The following MYO5B variants were observed in gnomAD, a reference collection of about 807,000 sequenced individuals.
The protein encoded by MYO5B is myosin VB.
MYO5B carries 143 observed loss-of-function variants against 229.3 expected under a neutral mutation model. The ratio of observed to expected loss-of-function variants is 0.62; its 90% CI spans 0.54 to 0.72. The LOEUF (loss-of-function observed/expected upper bound fraction) is 0.72, where lower values mean the gene tolerates loss of function less well. MYO5B is among the 30% of genes least tolerant of loss of function. MYO5B has a pLI of 0.00. For missense variants in MYO5B, 2,321 were observed against 2,331.0 expected, an observed-to-expected ratio of 1.00 and a Z score of 0.09; for synonymous variants, 918 against 885.2, an observed-to-expected ratio of 1.04 and a Z score of -0.66.
chr18:49,861,211 T>A (rs564849970), intron 29 of MYO5B, among the ~76,000 whole-genome samples: 1 of 152,356 alleles, frequency 6.6e-6, no homozygotes, highest in East Asian at 1.9e-4. Context: ...AGAATTATTT[T>A]AAGATATAAT....
chr18:49,999,641 A>G (rs1395055414), intron 5 of MYO5B, among the ~76,000 whole-genome samples: 1 of 152,210 alleles, frequency 6.6e-6, no homozygotes, highest in Non-Finnish European at 1.5e-5. Flanking sequence ...GTAGTATTAA[A>G]GGGGATTATT....
chr18:50,083,455 C>T (rs186023760), intron 1 of MYO5B, among the ~76,000 whole-genome samples: 4 of 152,306 alleles, frequency 2.6e-5, no homozygotes, highest in Non-Finnish European at 5.9e-5. Flanking sequence ...TACCTAGGGG[C>T]CACCAGCCAT....
intron 14 of MYO5B, 136 bp from the exon 15 acceptor site, chr18:49,937,533 C>T: frequency 3.9e-6 from 4 of 1,028,898 alleles, no homozygotes; most frequent in Non-Finnish European, 4.3e-6. Context: ...CCAACCTGCA[C>T]AGCAGCGTTA....
chr18:49,893,503 C>T (rs528731980), intron 22 of MYO5B, among the ~76,000 whole-genome samples: 13 of 152,302 alleles, frequency 8.5e-5, no homozygotes, highest in African/African-American at 2.6e-4. Flanking sequence ...CCAAGCACCA[C>T]GTGCTTTCTC....
intron 1 of MYO5B, among the ~76,000 whole-genome samples, chr18:50,142,491 A>G (rs1257972135): frequency 6.6e-6 from 1 of 152,222 alleles, no homozygotes; most frequent in African/African-American, 2.4e-5. Flanking sequence ...CTCCTCATCT[A>G]CGTCTCTGAC....
intron 1 of MYO5B, among the ~76,000 whole-genome samples, chr18:50,118,815 G>A (rs892496265): frequency 6.6e-5 from 10 of 151,930 alleles, no homozygotes; most frequent in Non-Finnish European, 2.9e-5. Context: ...TAGTAGAGAT[G>A]GGGTTTCGCC....
chr18:49,957,385 T>C (rs891904086), intron 12 of MYO5B, among the ~76,000 whole-genome samples: 2 of 152,122 alleles, frequency 1.3e-5, no homozygotes, highest in African/African-American at 4.8e-5. Context: ...CTCACACCTG[T>C]AATCCCAGCA....
At chr18:50,186,517 G>T (rs941333309) in intron 1 of MYO5B, among the ~76,000 whole-genome samples, 1 of 152,080 alleles carries the variant, frequency 6.6e-6, no homozygotes, top group Non-Finnish European at 1.5e-5. Flanking sequence ...CTTGTCTACC[G>T]CTCTCATAGT....
chr18:50,090,911 C>G (rs891409497), intron 1 of MYO5B, among the ~76,000 whole-genome samples: 1 of 152,200 alleles, frequency 6.6e-6, no homozygotes, highest in Non-Finnish European at 1.5e-5. Flanking sequence ...TCAGAATTCA[C>G]TTTTTCAGCA....
intron 30 of MYO5B, among the ~76,000 whole-genome samples, chr18:49,856,083 G>A (rs1461525222): frequency 6.6e-6 from 1 of 152,228 alleles, no homozygotes; most frequent in Non-Finnish European, 1.5e-5. Context: ...GTGTCCTTTT[G>A]CTGCATGCCT....
intron 1 of MYO5B, among the ~76,000 whole-genome samples, chr18:50,104,665 C>T (rs938501151): frequency 2.6e-5 from 4 of 152,272 alleles, no homozygotes; most frequent in Admixed American, 2.0e-4. Context: ...ATAGTAATGA[C>T]AAGTTTCAGA....
chr18:50,028,798 G>T (rs377082484), intron 4 of MYO5B, among the ~76,000 whole-genome samples: 21 of 152,206 alleles, frequency 1.4e-4, no homozygotes, highest in African/African-American at 5.1e-4. Context: ...TTTCTAACAT[G>T]CTGTGCTTCT....
chr18:50,133,296 G>A (rs2032282898), intron 1 of MYO5B, among the ~76,000 whole-genome samples: 1 of 152,156 alleles, frequency 6.6e-6, no homozygotes. Context: ...GTAAAAATAA[G>A]CACAAACAAA....
At position 49,994,499 on chromosome 18, in the gene MYO5B, T is replaced by C. The variant is rs905409019; in HGVS notation, c.613-2068A>G. On this transcript the variant is annotated intron_variant, in intron 5 of 39. Coordinates refer to ENST00000285039, the MANE Select transcript of MYO5B (RefSeq NM_001080467.3). ...ATCTATATGTTACAGACACAGTATA[T>C]AACTCTGGAAGGAAGTGTAGGGGGA... Among the ~76,000 whole-genome samples, 5 of 152,222 alleles carry C rather than the reference T, an allele frequency of 3.3e-5. No individual in the cohort carries two copies. In the South Asian group the frequency reaches 1.0e-3, roughly 31 times the overall value.
At chr18:49,896,172 T>C (rs886324395) in intron 21 of MYO5B, among the ~76,000 whole-genome samples, 3 of 152,140 alleles carry the variant, frequency 2.0e-5, no homozygotes, top group Non-Finnish European at 4.4e-5. Context: ...TTGGACCCTG[T>C]AAAATGCCAC....
intron 10 of MYO5B, among the ~76,000 whole-genome samples, chr18:49,967,955 C>T (rs546812848): frequency 2.7e-4 from 41 of 152,290 alleles, no homozygotes; most frequent in Admixed American, 3.3e-4. Context: ...ACTCAGTTTG[C>T]CAAATGCTCC....
At chr18:49,965,752 TA>T (rs1270554329) in intron 10 of MYO5B, among the ~76,000 whole-genome samples, 1 of 152,140 alleles carries the variant, frequency 6.6e-6, no homozygotes, top group East Asian at 1.9e-4. Flanking sequence ...ACCACAGTCT[TA>T]ATTCAGAGAG....
At position 49,912,969 on chromosome 18, in the gene MYO5B, G is replaced by A. The variant is rs74754636; in HGVS notation, c.2091-796C>T. 3.9e-3 allele frequency among the ~76,000 whole-genome samples: 594 copies of A among 152,282 alleles called. 5 individuals are homozygous for A. The highest frequency in any genetic ancestry group is 0.012 in the African/African-American group (514 of 41,542). ...GTACATTAACAAATAACAAGTGGCC[G>A]TATCCTAACCCCTGGAGAGATAACA... On this transcript the variant is annotated intron_variant, in intron 17 of 39. Coordinates refer to ENST00000285039, the MANE Select transcript of MYO5B (RefSeq NM_001080467.3).
At chr18:49,955,652 A>G (rs1033417972) in intron 12 of MYO5B, among the ~76,000 whole-genome samples, 1 of 152,258 alleles carries the variant, frequency 6.6e-6, no homozygotes, top group African/African-American at 2.4e-5. Flanking sequence ...TTTTGGCATA[A>G]CTAATATTGA....
Sources: allele counts gnomAD v4.1 joint callset (sites outside exome capture counted in the v4.1 genomes callset), GRCh38; gene constraint gnomAD v4.1.1; transcripts MANE v1.5; gene names NCBI Gene and HGNC (gene_info 2026-07-23, HGNC 2026-07-21).